Variants in KCNH1 observed in about 807,000 individuals in gnomAD.
The protein encoded by KCNH1 is potassium voltage-gated channel subfamily H member 1.
Under a neutral mutation model 69.2 loss-of-function variants are expected in KCNH1, and 27 were observed. The observed-to-expected ratio is 0.39, with a 90% confidence interval of 0.29 to 0.54. The LOEUF (loss-of-function observed/expected upper bound fraction) is 0.54, where lower values mean the gene tolerates loss of function less well. Among genes scored for constraint, KCNH1 ranks in the 20% least tolerant of loss-of-function variants. The pLI, the probability that KCNH1 is intolerant of heterozygous loss-of-function variation, is 0.68. For synonymous variants in KCNH1, 456 were observed against 487.7 expected (o/e 0.93, Z 0.86); for missense variants, 798 against 1,261.6 (o/e 0.63, Z 5.57).
intron 5 of KCNH1, among the ~76,000 whole-genome samples, chr1:211,059,900 A>ATGT (rs1256157580): frequency 6.6e-6 from 1 of 152,244 alleles, no homozygotes; most frequent in East Asian, 1.9e-4. Flanking sequence ...AAATGTTTAC[A>ATGT]AAACATTTCA....
At chr1:210,786,919 A>G (rs1273415094) in intron 9 of KCNH1, among the ~76,000 whole-genome samples, 2 of 152,200 alleles carry the variant, frequency 1.3e-5, no homozygotes, top group African/African-American at 4.8e-5. Context: ...CATTTAAGTC[A>G]GGTTAGGCTA....
At chr1:211,085,238 A>C (rs1010811176) in intron 4 of KCNH1, among the ~76,000 whole-genome samples, 1 of 152,142 alleles carries the variant, frequency 6.6e-6, no homozygotes, top group Non-Finnish European at 1.5e-5. Flanking sequence ...GGCTGGATAA[A>C]GGGCCATGGT....
intron 7 of KCNH1, among the ~76,000 whole-genome samples, chr1:210,893,606 A>G (rs1228411017): frequency 6.6e-6 from 1 of 151,858 alleles, no homozygotes; most frequent in Non-Finnish European, 1.5e-5. Flanking sequence ...TATTGCTTCT[A>G]CTTTCTCTCT....
intron 5 of KCNH1, among the ~76,000 whole-genome samples, chr1:211,077,941 GAA>G (rs540915669): frequency 0.02 from 2,368 of 116,960 alleles, 77 homozygotes; most frequent in African/African-American, 0.068. Context: ...AAAGCAAAAA[GAA>G]AAAAAAAAAA....
intron 10 of KCNH1, among the ~76,000 whole-genome samples, chr1:210,725,150 C>T (rs1183688688): frequency 6.6e-6 from 1 of 152,146 alleles, no homozygotes; most frequent in Non-Finnish European, 1.5e-5. Flanking sequence ...ACCTTCCTGG[C>T]TAGCATTCCC....
intron 7 of KCNH1, among the ~76,000 whole-genome samples, chr1:210,891,265 T>C (rs555904153): frequency 6.6e-6 from 1 of 152,222 alleles, no homozygotes; most frequent in African/African-American, 2.4e-5. Context: ...CTGGAAACCA[T>C]TATTCTGAGC....
At chr1:210,974,139 T>C (rs1280152324) in intron 6 of KCNH1, among the ~76,000 whole-genome samples, 4 of 152,142 alleles carry the variant, frequency 2.6e-5, no homozygotes, top group Admixed American at 2.0e-4. Flanking sequence ...TTTTTCACTG[T>C]CACGATGTTA....
chr1:210,946,640 T>C (rs1420489613), intron 6 of KCNH1, among the ~76,000 whole-genome samples: 2 of 152,126 alleles, frequency 1.3e-5, no homozygotes, highest in Non-Finnish European at 2.9e-5. Flanking sequence ...ACCTGCACTA[T>C]TCTCAGCACC....
Position 211,018,985 on chromosome 1 carries a change from G to C in KCNH1, c.830C>G (p.Ala277Gly). 3.7e-6 allele frequency: 6 copies of C among 1,614,062 alleles called. No homozygotes were observed. The highest frequency in any genetic ancestry group is 1.1e-5 in the South Asian group (1 of 91,072). Residue 277 changes from alanine (A) to glycine (G), a missense_variant, in exon 6 of 11, where the codon GCA (alanine) becomes GGA (glycine). By Grantham distance (60) the Ala-to-Gly change is moderately conservative (BLOSUM62 0). Transcript: ENST00000271751. ...TTTGGGGTCAGAAATCACCTCCCCT[G>C]CTGGTCCAACAAAGGTGGTATGAAA... ...LNFHTTFVGP[A>G]GEVISDPKLI...
intron 6 of KCNH1, among the ~76,000 whole-genome samples, chr1:210,924,836 G>T (rs545140302): frequency 6.6e-6 from 1 of 151,758 alleles, no homozygotes; most frequent in African/African-American, 2.4e-5. Flanking sequence ...CCACATCACT[G>T]CTTCCACTAA....
At chr1:211,042,506 A>C (rs1311036994) in intron 5 of KCNH1, among the ~76,000 whole-genome samples, 1 of 152,216 alleles carries the variant, frequency 6.6e-6, no homozygotes, top group African/African-American at 2.4e-5. Context: ...GATATACAGC[A>C]ACACAATAAT....
chr1:211,003,529 C>T (rs1258098433), intron 6 of KCNH1, among the ~76,000 whole-genome samples: 1 of 152,124 alleles, frequency 6.6e-6, no homozygotes, highest in Non-Finnish European at 1.5e-5. Flanking sequence ...TCTGCACTAT[C>T]CCCTGCTGTT....
At chr1:210,810,288 C>T (rs1684676166) in intron 7 of KCNH1, among the ~76,000 whole-genome samples, 2 of 152,138 alleles carry the variant, frequency 1.3e-5, no homozygotes, top group Non-Finnish European at 2.9e-5. Context: ...GATCCCTTGT[C>T]CTGCATATTA....
In KCNH1 at chr1:210,800,248, C is replaced by A. The variant is rs533363135; in HGVS notation, c.1663-2488G>T. Among the ~76,000 whole-genome samples, 34 of 152,318 alleles carry A rather than the reference C, an allele frequency of 2.2e-4. No individual in the cohort carries two copies. The South Asian group carries it at 5.8e-3, about 26-fold the overall frequency. ...CAGAGTGCTTGCTAAGGACTTACTT[C>A]CATAAGGCTCATTAAAAACAAGACT... On this transcript the variant is annotated intron_variant, in intron 8 of 10. Coordinates refer to ENST00000271751, the MANE Select transcript of KCNH1 (RefSeq NM_172362.3).
chr1:211,100,758 C>G (rs536387584), intron 3 of KCNH1, among the ~76,000 whole-genome samples: 1 of 152,322 alleles, frequency 6.6e-6, no homozygotes, highest in Non-Finnish European at 1.5e-5. Flanking sequence ...GAGACGCACC[C>G]TGTTGGCACG....
At chr1:210,686,054 T>C (rs928013493) in intron 10 of KCNH1, among the ~76,000 whole-genome samples, 1 of 152,170 alleles carries the variant, frequency 6.6e-6, no homozygotes, top group African/African-American at 2.4e-5. Flanking sequence ...TGGGCAGCAT[T>C]TCTCCCATCC....
rs1056062441 is a variant in KCNH1, at chr1:211,133,596, C to G, written c.79+271G>C. Among the ~76,000 whole-genome samples the G allele has an allele frequency of 2.0e-5, 3 of 152,148 alleles. No homozygotes were observed. In the East Asian group the frequency reaches 5.8e-4, roughly 29 times the overall value. On this transcript the variant is annotated intron_variant, in intron 1 of 10. Coordinates refer to ENST00000271751, the MANE Select transcript of KCNH1 (RefSeq NM_172362.3). The surrounding 1 kb of genome is among the most constrained non-coding windows in gnomAD (Gnocchi z 5.4). Reference sequence around the variant, plus strand: ...CCAGTACTTTGCTCAGCAGCTGTCACGCATCCTTGGAGATAAGACCGAGAG... The same window carrying G: ...CCAGTACTTTGCTCAGCAGCTGTCAGGCATCCTTGGAGATAAGACCGAGAG...
At chr1:210,985,142 T>C (rs1405426776) in intron 6 of KCNH1, among the ~76,000 whole-genome samples, 2 of 152,208 alleles carry the variant, frequency 1.3e-5, no homozygotes, top group Non-Finnish European at 2.9e-5. Flanking sequence ...CCTTTATCAT[T>C]TTTTATTGCA....
intron 2 of KCNH1, among the ~76,000 whole-genome samples, chr1:211,104,128 T>C (rs1361253671): frequency 6.6e-6 from 1 of 152,072 alleles, no homozygotes; most frequent in Non-Finnish European, 1.5e-5. Context: ...ATATAGACAA[T>C]GAGAGGGAAA....
Sources: allele counts gnomAD v4.1 joint callset (sites outside exome capture counted in the v4.1 genomes callset), GRCh38; gene constraint gnomAD v4.1.1; non-coding constraint Gnocchi (gnomAD v3.1); transcripts MANE v1.5; gene names NCBI Gene and HGNC (gene_info 2026-07-23, HGNC 2026-07-21).